The following MLLT3 variants were observed in gnomAD, a reference collection of about 807,000 sequenced individuals.
MLLT3 encodes protein AF-9.
Under a neutral mutation model 53.2 loss-of-function variants are expected in MLLT3, and 4 were observed. That is an observed-to-expected ratio of 0.08 (90% CI 0.04 to 0.17). MLLT3 has a LOEUF of 0.17. MLLT3 is among the 10% of genes least tolerant of loss of function. The pLI is 1.00. For missense variants in MLLT3, 569 were observed against 684.0 expected (o/e 0.83, Z 1.87); for synonymous variants, 283 against 230.6 (o/e 1.23, Z -2.06).
In MLLT3 at chr9:20,553,339, G is replaced by GTAA. The variant is rs1190166817; in HGVS notation, c.193+67312_193+67314dup. Among the ~76,000 whole-genome samples the GTAA allele has an allele frequency of 3.9e-5, 6 of 152,282 alleles. 1 individual carries two copies. The highest frequency in any genetic ancestry group is 1.2e-4 in the African/African-American group (5 of 41,554). ...AGCTTATATGCATATCCACAAGGAGGTAATAGTTGTTGAGTCGGCCTCACA... is the reference window on the plus strand; with the variant it reads ...AGCTTATATGCATATCCACAAGGAGGTAATAATAGTTGTTGAGTCGGCCTCACA... On this transcript the variant is annotated intron_variant, in intron 2 of 10. Coordinates refer to ENST00000380338, the MANE Select transcript of MLLT3 (RefSeq NM_004529.4).
intron 2 of MLLT3, among the ~76,000 whole-genome samples, chr9:20,480,257 T>C (rs1027096470): frequency 2.0e-5 from 3 of 152,146 alleles, no homozygotes; most frequent in African/African-American, 7.2e-5. Context: ...AACTACAAAC[T>C]TGTTGGGGCT....
chr9:20,600,940 T>C (rs1220560998), intron 2 of MLLT3, among the ~76,000 whole-genome samples: 1 of 152,152 alleles, frequency 6.6e-6, no homozygotes, highest in African/African-American at 2.4e-5. Context: ...AATGGTAAAA[T>C]GGCTTTAAAT....
In MLLT3 at chr9:20,620,967, A is replaced by G. The variant is rs1820987297; in HGVS notation, c.13-133T>C. On this transcript the variant is annotated intron_variant, in intron 1 of 10. Coordinates refer to ENST00000380338, the MANE Select transcript of MLLT3 (RefSeq NM_004529.4). The surrounding 1 kb of genome is among the most constrained non-coding windows in gnomAD (Gnocchi z 6.1). The stretch of plus-strand genomic sequence containing the variant: ...GGAAACGGCGGTGCCCTCTGCATCC[A>G]CGTTTCACGCGCGTGGGCGCGCACA... 9.2e-7 allele frequency: 1 copy of G among 1,083,748 alleles called. No homozygotes were observed. Among genetic ancestry groups the G allele is most frequent in the Admixed American group, 2.0e-5 (1 of 51,014 alleles). 67.1% of individuals were successfully genotyped at this position (1,083,748 alleles called of 1,614,324 possible).
rs557164824 is a variant in MLLT3, at chr9:20,540,997, T to G, written c.193+79657A>C. Among the ~76,000 whole-genome samples, 10 of 152,278 alleles carry G rather than the reference T, an allele frequency of 6.6e-5. No homozygotes were observed. The South Asian group carries it at 2.1e-3, about 32-fold the overall frequency. Reference sequence around the variant, plus strand: ...TCTTGAATGCTCTTTGCTTAGAAATTTCTTCCACCATATACCCTAAATCAC... The same window carrying G: ...TCTTGAATGCTCTTTGCTTAGAAATGTCTTCCACCATATACCCTAAATCAC... On this transcript the variant is annotated intron_variant, in intron 2 of 10. Transcript: ENST00000380338.
rs539180701 is a variant in MLLT3, at chr9:20,509,840, G to C, written c.194-53054C>G. Among the ~76,000 whole-genome samples, 4 of 150,850 alleles carry C rather than the reference G, an allele frequency of 2.7e-5. No homozygotes were observed. In the South Asian group the frequency reaches 8.4e-4, roughly 32 times the overall value. ...TTTATTGTAAAAGAACTGTCAATCA[G>C]AGCACAGTATAATGATCAGGGTACA... On this transcript the variant is annotated intron_variant, in intron 2 of 10. Transcript: ENST00000380338.
At chr9:20,468,233 TAG>T (rs1382891651) in intron 2 of MLLT3, among the ~76,000 whole-genome samples, 3 of 152,188 alleles carry the variant, frequency 2.0e-5, no homozygotes, top group Non-Finnish European at 4.4e-5. Flanking sequence ...CCATAAATAT[TAG>T]AGAATTTTTT....
intron 2 of MLLT3, among the ~76,000 whole-genome samples, chr9:20,508,870 G>T (rs571070057): frequency 6.6e-6 from 1 of 152,252 alleles, no homozygotes; most frequent in East Asian, 1.9e-4. Context: ...TCATATGGCT[G>T]TCGTCTCTAC....
At chr9:20,416,591 A>C (rs1822878319) in intron 4 of MLLT3, among the ~76,000 whole-genome samples, 2 of 152,106 alleles carry the variant, frequency 1.3e-5, no homozygotes, top group Admixed American at 6.5e-5. Context: ...CATGCATATA[A>C]TGCTAGGTAC....
chr9:20,575,507 TTAAA>T (rs1819630929), intron 2 of MLLT3, among the ~76,000 whole-genome samples: 1 of 152,200 alleles, frequency 6.6e-6, no homozygotes, highest in African/African-American at 2.4e-5. Flanking sequence ...AATGAATTTC[TTAAA>T]TAACAAAACT....
intron 2 of MLLT3, among the ~76,000 whole-genome samples, chr9:20,542,955 A>G (rs1326161081): frequency 6.6e-6 from 1 of 152,222 alleles, no homozygotes; most frequent in Non-Finnish European, 1.5e-5. Context: ...CTTTCATATT[A>G]TAATGGTAGC....
intron 5 of MLLT3, among the ~76,000 whole-genome samples, chr9:20,393,298 C>T (rs142089067): frequency 2.0e-4 from 31 of 152,228 alleles, no homozygotes; most frequent in African/African-American, 6.7e-4. Flanking sequence ...TCCTTAACTA[C>T]GTATTTCAAA....
rs565504115 is a variant in MLLT3, at chr9:20,368,693, C to G, written c.1126-2949G>C. ...CCACAGTTGCTGATCACCAAAAAAC[C>G]CACAAATAGGAACATAACACAACAG... is the stretch of plus-strand genomic sequence containing the variant. On this transcript the variant is annotated intron_variant, in intron 5 of 10. Transcript: ENST00000380338. Among the ~76,000 whole-genome samples, 238 of 152,182 alleles carry G rather than the reference C, an allele frequency of 1.6e-3. 1 individual carries two copies. The highest frequency in any genetic ancestry group is 2.8e-3 in the Non-Finnish European group (191 of 68,000).
At chr9:20,480,537 T>C (rs1427599947) in intron 2 of MLLT3, among the ~76,000 whole-genome samples, 4 of 152,194 alleles carry the variant, frequency 2.6e-5, no homozygotes, top group Non-Finnish European at 5.9e-5. Flanking sequence ...TGTTGACCTA[T>C]TTCAAAACTG....
At chr9:20,472,865 T>A (rs562573070) in intron 2 of MLLT3, among the ~76,000 whole-genome samples, 148 of 151,902 alleles carry the variant, frequency 9.7e-4, no homozygotes, top group Middle Eastern at 3.4e-3. Flanking sequence ...AAACTTCAAC[T>A]GCTATTCTTT....
At chr9:20,548,799 C>A (rs1296991937) in intron 2 of MLLT3, among the ~76,000 whole-genome samples, 1 of 151,662 alleles carries the variant, frequency 6.6e-6, no homozygotes, top group Admixed American at 6.6e-5. Context: ...CTCAAACTTA[C>A]CAAAACACAT....
At chr9:20,452,589 T>C (rs1225603966) in intron 3 of MLLT3, among the ~76,000 whole-genome samples, 2 of 152,208 alleles carry the variant, frequency 1.3e-5, no homozygotes, top group Admixed American at 6.5e-5. Flanking sequence ...CAGAGTTGTA[T>C]AAACTCCAGG....
chr9:20,464,672 G>C (rs1313513381), intron 2 of MLLT3, among the ~76,000 whole-genome samples: 1 of 152,070 alleles, frequency 6.6e-6, no homozygotes, highest in Admixed American at 6.6e-5. Context: ...AAAAAGCGGG[G>C]AGGGTATGTG....
chr9:20,501,910 G>A (rs138432985), intron 2 of MLLT3, among the ~76,000 whole-genome samples: 84 of 151,330 alleles, frequency 5.6e-4, no homozygotes, highest in African/African-American at 1.5e-3. Flanking sequence ...GTGAAACCTC[G>A]TCTCTACTAA....
At chr9:20,412,644 T>A (rs1822758651) in intron 5 of MLLT3, among the ~76,000 whole-genome samples, 1 of 152,154 alleles carries the variant, frequency 6.6e-6, no homozygotes, top group South Asian at 2.1e-4. Flanking sequence ...GAAAGAAAAG[T>A]GTTCTAAGAT....
Sources: gnomAD v4.1 joint callset for allele counts (sites outside exome capture counted in the v4.1 genomes callset) on GRCh38, gnomAD v4.1.1 for gene constraint, Gnocchi (gnomAD v3.1) non-coding constraint, MANE v1.5 for transcripts, NCBI Gene and HGNC (gene_info 2026-07-23, HGNC 2026-07-21) for gene names.